ITGBL1: variants seen among roughly 807,000 people sequenced by gnomAD.
The protein encoded by ITGBL1 is integrin beta-like protein 1.
Under a neutral mutation model 68.5 loss-of-function variants are expected in ITGBL1, and 51 were observed. The observed-to-expected ratio is 0.74, with a 90% CI of 0.59 to 0.94. The LOEUF (loss-of-function observed/expected upper bound fraction) is 0.94. Among genes scored for constraint, ITGBL1 ranks in the 40% least tolerant of loss-of-function variants. The pLI is 0.00. For synonymous variants in ITGBL1, 209 were observed against 227.3 expected, an observed-to-expected ratio of 0.92 and a Z score of 0.72; for missense variants, 649 against 647.4, an observed-to-expected ratio of 1.00 and a Z score of -0.03.
intron 2 of ITGBL1, among the ~76,000 whole-genome samples, chr13:101,559,619 C>A (rs1408439852): frequency 6.6e-6 from 1 of 152,164 alleles, no homozygotes; most frequent in East Asian, 1.9e-4. Context: ...CAAAAGAGTC[C>A]TTTCAAGTCC....
chr13:101,696,337 G>A (rs2034001519), intron 8 of ITGBL1, among the ~76,000 whole-genome samples: 2 of 152,128 alleles, frequency 1.3e-5, no homozygotes, highest in South Asian at 4.1e-4. Context: ...CAATATGAGG[G>A]GCAGGGTAGG....
intron 2 of ITGBL1, among the ~76,000 whole-genome samples, chr13:101,516,572 A>G (rs1446111013): frequency 1.3e-5 from 2 of 152,162 alleles, no homozygotes; most frequent in Non-Finnish European, 2.9e-5. Context: ...AAGAAAAGGT[A>G]GAAAAAATGC....
chr13:101,526,216 T>A (rs994298843), intron 2 of ITGBL1, among the ~76,000 whole-genome samples: 2 of 151,662 alleles, frequency 1.3e-5, no homozygotes, highest in African/African-American at 4.9e-5. Flanking sequence ...GCAAGTTTGT[T>A]ACATAGGTAT....
intron 9 of ITGBL1, among the ~76,000 whole-genome samples, chr13:101,708,391 C>G (rs989802108): frequency 6.6e-6 from 1 of 152,076 alleles, no homozygotes; most frequent in Admixed American, 6.5e-5. Flanking sequence ...TGACAAGGCA[C>G]AGCTCTGGCT....
chr13:101,613,344 C>T (rs966960714), intron 7 of ITGBL1, among the ~76,000 whole-genome samples: 1 of 152,132 alleles, frequency 6.6e-6, no homozygotes, highest in Admixed American at 6.5e-5. Flanking sequence ...TACCAGGGTC[C>T]TCCTGTGTTC....
intron 7 of ITGBL1, among the ~76,000 whole-genome samples, chr13:101,619,534 T>G (rs1012054083): frequency 3.3e-5 from 5 of 151,848 alleles, no homozygotes; most frequent in Non-Finnish European, 7.4e-5. Context: ...GAATGTAGTC[T>G]TGACGACACC....
chr13:101,698,113 A>T (rs1368523177), intron 8 of ITGBL1, among the ~76,000 whole-genome samples: 1 of 152,204 alleles, frequency 6.6e-6, no homozygotes, highest in Non-Finnish European at 1.5e-5. Flanking sequence ...TCATTTTGGT[A>T]ATTTTTTTAG....
At chr13:101,599,649 A>G (rs1393813875) in intron 7 of ITGBL1, among the ~76,000 whole-genome samples, 2 of 151,976 alleles carry the variant, frequency 1.3e-5, no homozygotes, top group East Asian at 1.9e-4. Flanking sequence ...TCAGCTTTCT[A>G]CATATGGCTA....
chr13:101,525,146 T>C lies in ITGBL1; in HGVS notation c.317-42553T>C, dbSNP rs186492578. ...TTTGGATATTACAAAGTTTTTTCTTTTATTGAACTGATATATGTTCATATA... is the reference window on the plus strand; with the variant it reads ...TTTGGATATTACAAAGTTTTTTCTTCTATTGAACTGATATATGTTCATATA... On this transcript the variant is annotated intron_variant, in intron 2 of 10. Transcript: ENST00000376180. Among the ~76,000 whole-genome samples the C allele has an allele frequency of 2.5e-3, 385 of 152,274 alleles. 3 individuals are homozygous for C. Among genetic ancestry groups the C allele is most frequent in the African/African-American group, 8.0e-3 (331 of 41,560 alleles).
At chr13:101,668,130 G>A (rs2139495000) in intron 7 of ITGBL1, among the ~76,000 whole-genome samples, 1 of 152,308 alleles carries the variant, frequency 6.6e-6, no homozygotes, top group East Asian at 1.9e-4. Flanking sequence ...GCTCATGCCT[G>A]TAATCCTAGC....
intron 2 of ITGBL1, among the ~76,000 whole-genome samples, chr13:101,496,333 A>G (rs1046037843): frequency 6.6e-6 from 1 of 152,124 alleles, no homozygotes; most frequent in Non-Finnish European, 1.5e-5. Flanking sequence ...CTGATCCTGT[A>G]AGTCATTTAA....
intron 2 of ITGBL1, among the ~76,000 whole-genome samples, chr13:101,535,643 G>A (rs2049560620): frequency 6.6e-6 from 1 of 152,008 alleles, no homozygotes; most frequent in East Asian, 1.9e-4. Context: ...TCATATATCA[G>A]AACTGAAAAC....
chr13:101,509,577 T>C (rs2049082316), intron 2 of ITGBL1, among the ~76,000 whole-genome samples: 1 of 152,244 alleles, frequency 6.6e-6, no homozygotes, highest in Admixed American at 6.5e-5. Context: ...TTAACCGATA[T>C]TCAATATCAT....
intron 2 of ITGBL1, among the ~76,000 whole-genome samples, chr13:101,541,162 C>A (rs539428441): frequency 6.7e-6 from 1 of 149,696 alleles, no homozygotes; most frequent in Non-Finnish European, 1.5e-5. Context: ...TCCATTTTTG[C>A]CCATTCAGTA....
intron 2 of ITGBL1, among the ~76,000 whole-genome samples, chr13:101,479,289 C>T (rs2048581670): frequency 6.6e-6 from 1 of 152,078 alleles, no homozygotes; most frequent in Non-Finnish European, 1.5e-5. Context: ...TTATCTCTCA[C>T]CACATACAAA....
chr13:101,485,586 C>A (rs956856807), intron 2 of ITGBL1, among the ~76,000 whole-genome samples: 1 of 151,996 alleles, frequency 6.6e-6, no homozygotes, highest in Non-Finnish European at 1.5e-5. Context: ...GGGCTGATCA[C>A]GAGGTCAGGA....
At chr13:101,476,926 A>G (rs1241984512) in intron 2 of ITGBL1, among the ~76,000 whole-genome samples, 1 of 152,206 alleles carries the variant, frequency 6.6e-6, no homozygotes, top group African/African-American at 2.4e-5. Flanking sequence ...CACTTTCAGC[A>G]TTGGACAGAT....
intron 7 of ITGBL1, among the ~76,000 whole-genome samples, chr13:101,637,537 G>A (rs969682312): frequency 2.2e-4 from 33 of 151,982 alleles, no homozygotes; most frequent in African/African-American, 8.0e-4. Flanking sequence ...TAGAGATGGG[G>A]TTTCATTGTG....
chr13:101,592,924 A>G (rs1191265194), intron 6 of ITGBL1, among the ~76,000 whole-genome samples: 1 of 152,144 alleles, frequency 6.6e-6, no homozygotes, highest in Non-Finnish European at 1.5e-5. Flanking sequence ...ATGGAAGGAC[A>G]TCAAACTGAC....
Sources: gnomAD v4.1 joint callset for allele counts (sites outside exome capture counted in the v4.1 genomes callset) on GRCh38, gnomAD v4.1.1 for gene constraint, MANE v1.5 for transcripts, NCBI Gene and HGNC (gene_info 2026-07-23, HGNC 2026-07-21) for gene names.